SLC36A1: variants seen among roughly 807,000 people sequenced by gnomAD.
SLC36A1 encodes solute carrier family 36 member 1.
In SLC36A1, 30 loss-of-function variants were observed where a neutral mutation model predicts 47.5. The observed-to-expected ratio is 0.63, with a 90% CI of 0.47 to 0.86. The LOEUF is 0.86. Among genes scored for constraint, SLC36A1 ranks in the 40% least tolerant of loss-of-function variants. SLC36A1 has a pLI of 0.00. For synonymous variants in SLC36A1, 255 were observed against 249.7 expected (o/e 1.02, Z -0.20); for missense variants, 517 against 606.0 (o/e 0.85, Z 1.54).
At chr5:151,416,701 T>C in the SLC36A1 span, among the ~76,000 whole-genome samples, 7 of 152,168 alleles carry the variant, frequency 4.6e-5, no homozygotes, top group Non-Finnish European at 1.0e-4. Flanking sequence ...CTACAAACTT[T>C]AGCTACCAGA....
chr5:151,508,197 G>C, the SLC36A1 span, among the ~76,000 whole-genome samples: 79 of 152,316 alleles, frequency 5.2e-4, no homozygotes, highest in Admixed American at 1.6e-3. Context: ...GGGCTATTGG[G>C]AAAGTTTGCC....
intron 2 of SLC36A1, among the ~76,000 whole-genome samples, chr5:151,463,199 G>A (rs953285036): frequency 6.6e-6 from 1 of 152,354 alleles, no homozygotes; most frequent in South Asian, 2.1e-4. Flanking sequence ...ACAGTGGTCA[G>A]TTCAGTGGTT....
intron 6 of SLC36A1, among the ~76,000 whole-genome samples, 176 bp from the exon 7 acceptor site, chr5:151,467,531 C>G (rs903246511): frequency 6.6e-6 from 1 of 152,136 alleles, no homozygotes; most frequent in Non-Finnish European, 1.5e-5. Flanking sequence ...CTAGCTCAGA[C>G]AATTGGGTTG....
At chr5:151,545,414 A>T in the SLC36A1 span, 6 of 1,614,138 alleles carry the variant, frequency 3.7e-6, no homozygotes, top group Non-Finnish European at 5.1e-6. Context: ...TTGATGCTAT[A>T]ATTGACTTCT....
chr5:151,410,020 A>T, the SLC36A1 span, among the ~76,000 whole-genome samples: 4 of 152,222 alleles, frequency 2.6e-5, no homozygotes, highest in African/African-American at 9.6e-5. Flanking sequence ...GAATAAATCC[A>T]TTTGATTTTA....
rs1204569658 is a variant in SLC36A1, at chr5:151,458,774, C to T, written c.-5-14C>T. 5 of 1,612,068 alleles carry T rather than the reference C, an allele frequency of 3.1e-6. No individual in the cohort carries two copies. The African/African-American group carries it at 5.3e-5, about 17-fold the overall frequency. On this transcript the variant is annotated splice_polypyrimidine_tract_variant and intron_variant, in intron 1 of 10. Coordinates refer to ENST00000243389, the MANE Select transcript of SLC36A1 (RefSeq NM_078483.4). ...CAGCTGCAGGAGGTCTTAATGCTGG[C>T]CCTGTCCCCCCAGCTGCCATGTCCA...
intron 2 of SLC36A1, among the ~76,000 whole-genome samples, chr5:151,460,105 T>C (rs1755282653): frequency 6.6e-6 from 1 of 152,190 alleles, no homozygotes; most frequent in African/African-American, 2.4e-5. Context: ...GCAGTGTGGA[T>C]CACCCTGCCC....
chr5:151,545,604 A>G, the SLC36A1 span: 4 of 1,614,140 alleles, frequency 2.5e-6, no homozygotes, highest in Non-Finnish European at 3.4e-6. Context: ...GGTCATGGAC[A>G]TAGACACAGA....
chr5:151,378,715 A>G, the SLC36A1 span: 1 of 153,662 alleles, frequency 6.5e-6, no homozygotes, highest in Non-Finnish European at 1.5e-5. Flanking sequence ...ACAGATAAAA[A>G]CGCTTGACAC....
the SLC36A1 span, among the ~76,000 whole-genome samples, chr5:151,347,807 A>G: frequency 4.6e-5 from 7 of 152,200 alleles, no homozygotes; most frequent in Admixed American, 1.3e-4. Flanking sequence ...GGGATAAGCA[A>G]TCCTCTAAGT....
At chr5:151,423,198 T>C in the SLC36A1 span, among the ~76,000 whole-genome samples, 1 of 152,148 alleles carries the variant, frequency 6.6e-6, no homozygotes, top group East Asian at 1.9e-4. Context: ...GAATGCAAAA[T>C]GGTACAGCCA....
At chr5:151,444,953 T>C (rs1752836756), upstream of SLC36A1, among the ~76,000 whole-genome samples, 2 of 152,254 alleles carry the variant, frequency 1.3e-5, no homozygotes, top group African/African-American at 4.8e-5. Flanking sequence ...CTTTTTTGGC[T>C]GATTGCTCTT....
At chr5:151,465,256 G>C in intron 5 of SLC36A1, 87 bp downstream of exon 5, 2 of 1,074,816 alleles carry the variant, frequency 1.9e-6, no homozygotes, top group Non-Finnish European at 2.9e-6. Flanking sequence ...ACAGTGTAAA[G>C]CGTGGAAAGA....
chr5:151,385,009 A>AGAGAGAGTGTGTGTGTGTGTGTGTGTGT, the SLC36A1 span, among the ~76,000 whole-genome samples: 14 of 128,462 alleles, frequency 1.1e-4, no homozygotes, highest in Admixed American at 7.3e-4. Flanking sequence ...AGAGAGAGAG[A>AGAGAGAGTGTGTGTGTGTGTGTGTGTGT]GTGTGTGTGT....
At chr5:151,498,637 T>C in the SLC36A1 span, among the ~76,000 whole-genome samples, 17,281 of 152,240 alleles carry the variant, frequency 0.11, 2,788 homozygotes, top group African/African-American at 0.36. Context: ...AAGCCTGTCT[T>C]TTGACTCCAG....
In SLC36A1 at chr5:151,479,314, C is replaced by T. The variant is rs76045127; in HGVS notation, c.990-6C>T. ...GGCTTGGAATGTCTCCTGTCTGTTT[C>T]GGCAGGTTGTACCAGTCAGTTAAGC... On this transcript the variant is annotated splice_region_variant and splice_polypyrimidine_tract_variant and intron_variant, in intron 9 of 10. Transcript: ENST00000243389. 1,982 of 1,613,054 alleles carry T rather than the reference C, an allele frequency of 1.2e-3. 1 individual carries two copies. The highest frequency in any genetic ancestry group is 1.5e-3 in the Non-Finnish European group (1,753 of 1,179,232).
At chr5:151,554,210 A>C in the SLC36A1 span, 2 of 701,976 alleles carry the variant, frequency 2.8e-6, no homozygotes, top group Non-Finnish European at 4.7e-6. Context: ...CTTTGGCTGA[A>C]GCTGAGACTC....
At chr5:151,528,456 A>G in the SLC36A1 span, among the ~76,000 whole-genome samples, 2 of 152,210 alleles carry the variant, frequency 1.3e-5, no homozygotes, top group Non-Finnish European at 1.5e-5. Context: ...GGAGTAAAGT[A>G]TGATCAGCCT....
the SLC36A1 span, chr5:151,387,281 A>G: frequency 6.6e-6 from 1 of 152,366 alleles, no homozygotes; most frequent in African/African-American, 2.4e-5. Context: ...AGACACCAGC[A>G]GGCTCTGGAG....
Sources: allele counts gnomAD v4.1 joint callset (sites outside exome capture counted in the v4.1 genomes callset), GRCh38; gene constraint gnomAD v4.1.1; transcripts MANE v1.5; gene names NCBI Gene and HGNC (gene_info 2026-07-23, HGNC 2026-07-21).